TAPBPL: variants seen among roughly 807,000 people sequenced by gnomAD.
TAPBPL encodes the protein TAP binding protein like.
A neutral mutation model predicts 44.8 loss-of-function variants in TAPBPL; 32 were observed. The ratio of observed to expected loss-of-function variants is 0.71; its 90% CI spans 0.54 to 0.96. The LOEUF (loss-of-function observed/expected upper bound fraction) is 0.96. Ranked by LOEUF, TAPBPL falls within the 40% of genes least tolerant of loss-of-function variation. The pLI is 0.00. For synonymous variants in TAPBPL, 230 were observed against 240.7 expected (o/e 0.96, Z 0.41); for missense variants, 520 against 586.6 (o/e 0.89, Z 1.17).
chr12:6,471,298 C>A (rs184383668), downstream of TAPBPL, among the ~76,000 whole-genome samples: 245 of 152,304 alleles, frequency 1.6e-3, 3 homozygotes, highest in Admixed American at 0.013. The surrounding 1 kb of genome is among the most constrained non-coding windows in gnomAD (Gnocchi z 4.0). Flanking sequence ...ATTGAACTCC[C>A]TCCCAAACCT....
chr12:6,460,608 C>A (rs1197108465), intron 5 of TAPBPL, among the ~76,000 whole-genome samples: 1 of 152,218 alleles, frequency 6.6e-6, no homozygotes, highest in Non-Finnish European at 1.5e-5. Flanking sequence ...ATCTCACTTG[C>A]AAAGCAATTT....
chr12:6,457,342 T>C lies in TAPBPL; in HGVS notation c.566-64T>C, dbSNP rs188801141. 3.0e-5 allele frequency: 46 copies of C among 1,511,404 alleles called. 1 individual carries two copies. The East Asian group carries it at 6.1e-4, about 20-fold the overall frequency. The allele number at this position is 1,511,404 out of a possible 1,614,324, so 93.6% of individuals were successfully genotyped here. A position where few individuals can be genotyped will look rare whatever the true frequency, so the allele number is the denominator to read the frequency against. ...TGTATGCCCACAACATGCCCACAGC[T>C]TGGAGATCAGGTGACCTCAAGGAGG... On this transcript the variant is annotated intron_variant, in intron 3 of 6. Transcript: ENST00000266556.
chr12:6,464,249 C>T (rs1474935308), downstream of TAPBPL: 8 of 1,526,160 alleles, frequency 5.2e-6, no homozygotes, highest in African/African-American at 5.5e-5. Flanking sequence ...GAGGCGCCAG[C>T]TGTTGCTCTT....
intron 3 of TAPBPL, among the ~76,000 whole-genome samples, chr12:6,454,927 C>T (rs1949664518): frequency 1.3e-5 from 2 of 152,062 alleles, no homozygotes; most frequent in African/African-American, 4.8e-5. Flanking sequence ...GGCAACCGTC[C>T]TATCCTTGGA....
At chr12:6,463,816 G>T (rs1949938429), downstream of TAPBPL, 1 of 1,207,770 alleles carries the variant, frequency 8.3e-7, no homozygotes, top group African/African-American at 1.6e-5. This position sits in a 1 kb window ranked among gnomAD's most constrained non-coding sequence, Gnocchi z 4.0. Context: ...ATCCCTAAGT[G>T]TTCTCCAGGC....
Position 6,458,825 on chromosome 12 carries a change from C to T in TAPBPL, c.1085C>T (p.Thr362Ile), listed in dbSNP as rs1477097859. Reference protein sequence around the residue: ...FSSLRQSVAGTYSISSSLTAE... With the variant: ...FSSLRQSVAGIYSISSSLTAE... Reference sequence around the variant, plus strand: ...AGCCTCAGGCAAAGCGTGGCAGGCACCTACAGCATCTCCTCCTCTCTCACC... The same window carrying T: ...AGCCTCAGGCAAAGCGTGGCAGGCATCTACAGCATCTCCTCCTCTCTCACC... The change falls in exon 5 of 7, where the codon ACC becomes ATC. Residue 362 changes from threonine to isoleucine, a missense_variant. By Grantham distance (89) the Thr-to-Ile change is moderately conservative (BLOSUM62 -1). Coordinates refer to ENST00000266556, the MANE Select transcript of TAPBPL (RefSeq NM_018009.5). 6 of 1,614,036 alleles carry T rather than the reference C, an allele frequency of 3.7e-6. No individual in the cohort carries two copies. In the South Asian group the frequency reaches 4.4e-5, roughly 12 times the overall value.
chr12:6,462,982 C>T (rs1025804894), downstream of TAPBPL: 23 of 1,551,230 alleles, frequency 1.5e-5, no homozygotes, highest in Admixed American at 1.4e-4. Flanking sequence ...GTTCGTGGAC[C>T]GAGGGAAGAA....
chr12:6,453,000 G>C (rs773577253), intron 1 of TAPBPL, 67 bp from the exon 2 acceptor site: 170 of 1,461,340 alleles, frequency 1.2e-4, no homozygotes, highest in Non-Finnish European at 1.5e-4. Context: ...CTTGAGGGCG[G>C]GGGCAGGAAG....
At chr12:6,465,977 G>A (rs371134562), downstream of TAPBPL, 35 of 1,614,106 alleles carry the variant, frequency 2.2e-5, no homozygotes, top group East Asian at 1.8e-4. Context: ...CCTTGTCCAC[G>A]TTCACACGTA....
Position 6,453,372 on chromosome 12 carries a change from C to T in TAPBPL, c.295+75C>T, listed in dbSNP as rs2041386. On this transcript the variant is annotated intron_variant, in intron 2 of 6. Coordinates refer to ENST00000266556, the MANE Select transcript of TAPBPL (RefSeq NM_018009.5). This position sits in a 1 kb window ranked among gnomAD's most constrained non-coding sequence, Gnocchi z 4.8. ...GGACAGCCCAGGTCCCGATTACAGC[C>T]ACACATACTGCCTCCCGTTGGCCCT... The T allele has an allele frequency of 0.19, 308,806 of 1,607,604 alleles. 32,061 individuals carry two copies. The highest frequency in any genetic ancestry group is 0.21 in the Non-Finnish European group (250,928 of 1,176,122).
downstream of TAPBPL, chr12:6,466,902 G>A (rs1565527677): frequency 1.3e-5 from 2 of 154,834 alleles, no homozygotes; most frequent in Admixed American, 6.5e-5. Context: ...CATGTTGTGG[G>A]AGGGACTCAG....
At chr12:6,464,998 C>T (rs927947783), downstream of TAPBPL, 2 of 1,607,652 alleles carry the variant, frequency 1.2e-6, no homozygotes, top group Non-Finnish European at 1.7e-6. Context: ...GGAAAAGAGC[C>T]ACATCTCTAG....
intron 5 of TAPBPL, among the ~76,000 whole-genome samples, chr12:6,460,047 G>A (rs1592138414): frequency 6.6e-6 from 1 of 152,036 alleles, no homozygotes; most frequent in African/African-American, 2.4e-5. Flanking sequence ...TGGGATTACA[G>A]ATATGAGCCA....
chr12:6,470,430 T>C, downstream of TAPBPL: 1 of 1,566,202 alleles, frequency 6.4e-7, no homozygotes, highest in Non-Finnish European at 8.7e-7. Context: ...CCCGCGTTGC[T>C]GCAGCTGCTG....
rs761218827 is a variant in TAPBPL at position 6,458,866 on chromosome 12, G to C, written c.1126G>C (p.Ala376Pro). 1 of 1,614,164 alleles carries C rather than the reference G, an allele frequency of 6.2e-7. No individual in the cohort carries two copies. The highest frequency in any genetic ancestry group is 1.1e-5 in the South Asian group (1 of 91,078). The change falls in exon 5 of 7, where the codon GCA becomes CCA. Residue 376 changes from alanine (A) to proline (P), a missense_variant. By Grantham distance (27) the Ala-to-Pro change is conservative. Transcript: ENST00000266556. The stretch of plus-strand genomic sequence containing the variant: ...CTCTCTCACCGCAGAACCTGGCTCT[G>C]CAGGTGCCACTTACACCTGCCAGGT... Reference protein sequence around the residue: ...SSSLTAEPGSAGATYTCQVTH... With the variant: ...SSSLTAEPGSPGATYTCQVTH...
At chr12:6,470,866 G>A (rs914218630), downstream of TAPBPL, 3 of 450,078 alleles carry the variant, frequency 6.7e-6, no homozygotes, top group Non-Finnish European at 1.2e-5. Flanking sequence ...GTTGCTGTGA[G>A]GATCCTTCAG....
At chr12:6,462,533 G>A (rs7390), downstream of TAPBPL, 343,186 of 501,582 alleles carry the variant, frequency 0.68, 118,524 homozygotes, top group East Asian at 0.79. Flanking sequence ...GGGGATAGCA[G>A]AGACACACAG....
At chr12:6,469,195 C>G (rs952336433), downstream of TAPBPL, among the ~76,000 whole-genome samples, 5 of 152,176 alleles carry the variant, frequency 3.3e-5, no homozygotes, top group African/African-American at 1.2e-4. Flanking sequence ...ATGGGAGCCA[C>G]AAGACTCTTG....
At chr12:6,464,093 A>G (rs987936510), downstream of TAPBPL, 7 of 1,310,338 alleles carry the variant, frequency 5.3e-6, no homozygotes, top group African/African-American at 9.0e-5. Context: ...AGAAGTCACC[A>G]TGGGCACCGA....
Sources: gnomAD v4.1 joint callset for allele counts (sites outside exome capture counted in the v4.1 genomes callset) on GRCh38, gnomAD v4.1.1 for gene constraint, Gnocchi (gnomAD v3.1) non-coding constraint, MANE v1.5 for transcripts, NCBI Gene and HGNC (gene_info 2026-07-23, HGNC 2026-07-21) for gene names.